The following TOX2 variants were observed in gnomAD, a reference collection of about 807,000 sequenced individuals.
TOX2 encodes TOX high mobility group box family member 2.
A neutral mutation model predicts 47.4 loss-of-function variants in TOX2; 15 were observed. The observed-to-expected ratio is 0.32, with a 90% CI of 0.21 to 0.49. TOX2 has a LOEUF of 0.49. TOX2 is among the 20% of genes least tolerant of loss of function. The probability of loss-of-function intolerance (pLI) is 0.99; values close to 1 mark genes in which losing one functional copy is unlikely to be tolerated. For synonymous variants in TOX2, 290 were observed against 296.6 expected (o/e 0.98, Z 0.23); for missense variants, 622 against 673.1 (o/e 0.92, Z 0.84).
In TOX2 at chr20:44,068,913, G is replaced by C. The variant is rs1040401494; in HGVS notation, c.*227G>C. On this transcript the variant is annotated 3_prime_UTR_variant, in exon 9 of 9. Transcript: ENST00000341197. The stretch of plus-strand genomic sequence containing the variant: ...AAGAACCTGCAGGAACCTTCCGCCC[G>C]CTGACCTGCTTGCTCCAGGGTAACT... 1.4e-6 allele frequency: 1 copy of C among 692,206 alleles called. No individual in the cohort carries two copies. The highest frequency in any genetic ancestry group is 1.5e-5 in the South Asian group (1 of 66,710). 42.9% of individuals were successfully genotyped at this position (692,206 alleles called of 1,614,324 possible).
At chr20:43,956,828 AG>A (rs747615455) in intron 1 of TOX2, among the ~76,000 whole-genome samples, 11 of 152,166 alleles carry the variant, frequency 7.2e-5, no homozygotes, top group Non-Finnish European at 1.5e-4. Flanking sequence ...CCATTGAATC[AG>A]GTGTCCCTTT....
chr20:44,041,215 G>T (rs2071326537), intron 3 of TOX2, among the ~76,000 whole-genome samples: 1 of 152,234 alleles, frequency 6.6e-6, no homozygotes, highest in Admixed American at 6.5e-5. Context: ...TCTGCTGCAA[G>T]GTGGGCTGTT....
chr20:44,028,569 C>T (rs918991735), intron 3 of TOX2, among the ~76,000 whole-genome samples: 9 of 152,196 alleles, frequency 5.9e-5, no homozygotes, highest in African/African-American at 1.7e-4. Context: ...GGCACTCTTC[C>T]AAGCCCTGAG....
chr20:43,964,433 T>A (rs2069814160), intron 1 of TOX2, among the ~76,000 whole-genome samples: 1 of 152,240 alleles, frequency 6.6e-6, no homozygotes, highest in African/African-American at 2.4e-5. Context: ...GAGCTGTGTT[T>A]TATCTGTGCA....
In TOX2 at chr20:43,915,033, G is replaced by T; in HGVS notation, c.99+43G>T. 8.5e-7 allele frequency: 1 copy of T among 1,180,312 alleles called. No homozygotes were observed. The highest frequency in any genetic ancestry group is 1.1e-6 in the Non-Finnish European group (1 of 943,898). The allele number at this position is 1,180,312 out of a possible 1,614,324, so 73.1% of individuals were successfully genotyped here. ...GGGGTCCCCGGCGGGCGGGGCCGGA[G>T]TCACCTGGCAGCTCGGGACTCAGGC... On this transcript the variant is annotated intron_variant, in intron 1 of 8. Transcript: ENST00000341197. This position sits in a 1 kb window ranked among gnomAD's most constrained non-coding sequence, Gnocchi z 7.1.
At chr20:44,002,641 A>C (rs1407408431) in intron 2 of TOX2, among the ~76,000 whole-genome samples, 1 of 152,218 alleles carries the variant, frequency 6.6e-6, no homozygotes, top group Non-Finnish European at 1.5e-5. Context: ...TAATTGGCTC[A>C]TGGTTCTGCA....
intron 2 of TOX2, among the ~76,000 whole-genome samples, chr20:44,004,337 A>C (rs1271411332): frequency 6.6e-6 from 1 of 152,148 alleles, no homozygotes; most frequent in Non-Finnish European, 1.5e-5. Flanking sequence ...GTTGAGGTCC[A>C]CCTGGGGAGG....
chr20:44,051,373 G>A lies in TOX2; in HGVS notation c.479G>A (p.Arg160His), dbSNP rs199879040. 52 of 1,613,862 alleles carry A rather than the reference G, an allele frequency of 3.2e-5. No individual in the cohort carries two copies. The highest frequency in any genetic ancestry group is 5.0e-5 in the Admixed American group (3 of 60,018). Reference sequence around the variant, plus strand: ...GGCCGGCCCGGGCCCCTGCTGGGTCGCCCGGCAATGCTGGCCAGCCACATG... The same window carrying A: ...GGCCGGCCCGGGCCCCTGCTGGGTCACCCGGCAATGCTGGCCAGCCACATG... The part of the protein sequence containing the change: ...DSGRPGPLLG[R>H]PAMLASHMSA... The change falls in exon 4 of 9, where the codon CGC (arginine) becomes CAC (histidine). Residue 160 changes from arginine (R) to histidine (H), a missense_variant. Arg to His is a conservative substitution (Grantham distance 29). Around this residue, in one of 3 missense-constraint regions of TOX2, gnomAD observed 307 missense variants for 327.3 expected, o/e 0.94. Coordinates refer to ENST00000341197, the MANE Select transcript of TOX2 (RefSeq NM_001098797.2).
chr20:43,915,108 G>A lies in TOX2; in HGVS notation c.99+118G>A. ...GCACATCAGCCCCGCCGACGGGCAC[G>A]GGCGGCTCACATCGATCCCCTCGCG... On this transcript the variant is annotated intron_variant, in intron 1 of 8. Coordinates refer to ENST00000341197, the MANE Select transcript of TOX2 (RefSeq NM_001098797.2). This position sits in a 1 kb window ranked among gnomAD's most constrained non-coding sequence, Gnocchi z 7.1. 2 of 510,322 alleles carry A rather than the reference G, an allele frequency of 3.9e-6. No individual in the cohort carries two copies. Among genetic ancestry groups the A allele is most frequent in the African/African-American group, 2.1e-5 (1 of 48,102 alleles). 31.6% of individuals were successfully genotyped at this position (510,322 alleles called of 1,614,324 possible).
At position 43,916,186 on chromosome 20, in the gene TOX2, C is replaced by G. The variant is rs1305375369; in HGVS notation, c.99+1196C>G. The stretch of plus-strand genomic sequence containing the variant: ...GTTTCCCGCAGCCCTGGCGCAGACG[C>G]GTGGGCTCCGTGGCGATGCGGGGTG... On this transcript the variant is annotated intron_variant, in intron 1 of 8. Coordinates refer to ENST00000341197, the MANE Select transcript of TOX2 (RefSeq NM_001098797.2). The surrounding 1 kb of genome is among the most constrained non-coding windows in gnomAD (Gnocchi z 5.0). The G allele has an allele frequency of 1.0e-6, 1 of 985,424 alleles. No individual in the cohort carries two copies. Among genetic ancestry groups the G allele is most frequent in the Admixed American group, 6.1e-5 (1 of 16,276 alleles). 61.0% of individuals were successfully genotyped at this position (985,424 alleles called of 1,614,324 possible).
chr20:44,060,145 T>C (rs896566716), intron 5 of TOX2, among the ~76,000 whole-genome samples: 16 of 152,024 alleles, frequency 1.1e-4, no homozygotes, highest in Admixed American at 8.5e-4. Flanking sequence ...GCAACGGCAG[T>C]TGAAAAAGAC....
chr20:43,956,278 C>G (rs944489948), intron 1 of TOX2, among the ~76,000 whole-genome samples: 1 of 152,168 alleles, frequency 6.6e-6, no homozygotes, highest in Non-Finnish European at 1.5e-5. Context: ...GTGTGTCCAC[C>G]AGGTGCAGTG....
At chr20:44,043,582 G>A (rs1166804380) in intron 3 of TOX2, among the ~76,000 whole-genome samples, 3 of 152,162 alleles carry the variant, frequency 2.0e-5, no homozygotes, top group African/African-American at 2.4e-5. Flanking sequence ...GTAGGTCCAC[G>A]TTGGTCAGGT....
chr20:43,931,372 C>T (rs750807167), intron 1 of TOX2, among the ~76,000 whole-genome samples: 12 of 152,204 alleles, frequency 7.9e-5, no homozygotes, highest in African/African-American at 1.4e-4. Context: ...TGGGCTCAAG[C>T]GATCCTCCCA....
chr20:44,004,712 C>T (rs1246787512), intron 2 of TOX2, among the ~76,000 whole-genome samples: 5 of 152,208 alleles, frequency 3.3e-5, no homozygotes, highest in Admixed American at 3.3e-4. Context: ...TAACTTCATC[C>T]AGCAGACACT....
chr20:43,979,599 A>G (rs2070137307), intron 2 of TOX2, among the ~76,000 whole-genome samples: 1 of 152,212 alleles, frequency 6.6e-6, no homozygotes, highest in Admixed American at 6.5e-5. Context: ...GAGACAGCCC[A>G]CAGAATGGGA....
intron 3 of TOX2, among the ~76,000 whole-genome samples, chr20:44,029,973 C>G (rs6103575): frequency 0.68 from 102,984 of 152,022 alleles, 35,250 homozygotes; most frequent in East Asian, 0.78. Context: ...GTCCTCCACC[C>G]CTCAGGCCAC....
chr20:44,034,586 G>C (rs1290867216), intron 3 of TOX2, among the ~76,000 whole-genome samples: 1 of 152,190 alleles, frequency 6.6e-6, no homozygotes. Context: ...AAAGAGGCTC[G>C]AGGCAGTGAC....
chr20:44,064,644 C>G, intron 5 of TOX2, 133 bp from the exon 6 acceptor site: 9 of 791,964 alleles, frequency 1.1e-5, no homozygotes, highest in Non-Finnish European at 4.1e-6. Context: ...CAGTGGCTGG[C>G]TGACTCAGCT....
Sources: gnomAD v4.1 joint callset for allele counts (sites outside exome capture counted in the v4.1 genomes callset) on GRCh38, gnomAD v4.1.1 for gene constraint, gnomAD v4.1.1 regional missense constraint, Gnocchi (gnomAD v3.1) non-coding constraint, MANE v1.5 for transcripts, NCBI Gene and HGNC (gene_info 2026-07-23, HGNC 2026-07-21) for gene names.